Variants in POMT2 observed in about 807,000 individuals in gnomAD.
POMT2 encodes the protein protein O-mannosyltransferase 2, also known as protein O-mannosyl-transferase 2.
A neutral mutation model predicts 100.0 loss-of-function variants in POMT2; 75 were observed. The observed-to-expected ratio is 0.75, with a 90% confidence interval of 0.62 to 0.91. The LOEUF is 0.91. POMT2 is among the 40% of genes least tolerant of loss of function. The pLI is 0.00. For synonymous variants in POMT2, 378 were observed against 374.1 expected, an observed-to-expected ratio of 1.01 and a Z score of -0.12; for missense variants, 940 against 955.1, an observed-to-expected ratio of 0.98 and a Z score of 0.21.
chr14:77,300,842 T>G, intron 6 of POMT2: 1 of 476,044 alleles, frequency 2.1e-6, no homozygotes, highest in Non-Finnish European at 3.7e-6. Context: ...AAGACAGACA[T>G]TATAAAACAA....
intron 2 of POMT2, among the ~76,000 whole-genome samples, chr14:77,311,145 A>T (rs2139516055): frequency 6.6e-6 from 1 of 152,340 alleles, no homozygotes; most frequent in African/African-American, 2.4e-5. Flanking sequence ...AAAACAAACA[A>T]ACAAAAAAAG....
intron 16 of POMT2, 98 bp downstream of exon 16, chr14:77,280,294 G>A (rs368917551): frequency 5.8e-5 from 91 of 1,581,146 alleles, no homozygotes; most frequent in Middle Eastern, 2.0e-4. Context: ...GAGGCCCCTC[G>A]CCCTGCCGCC....
chr14:77,310,254 A>G (rs1891390980), intron 2 of POMT2, among the ~76,000 whole-genome samples: 1 of 152,208 alleles, frequency 6.6e-6, no homozygotes, highest in South Asian at 2.1e-4. Context: ...TTAAGAGAGA[A>G]GGCTCTATGC....
intron 2 of POMT2, among the ~76,000 whole-genome samples, chr14:77,308,340 T>C (rs1434356881): frequency 6.7e-6 from 1 of 148,802 alleles, no homozygotes; most frequent in African/African-American, 2.5e-5. Context: ...TACTCTCCAA[T>C]TGACAAAGTT....
intron 10 of POMT2, among the ~76,000 whole-genome samples, chr14:77,289,188 C>T (rs1318575150): frequency 2.0e-5 from 3 of 151,808 alleles, no homozygotes; most frequent in Non-Finnish European, 2.9e-5. Flanking sequence ...GCCAGGAATT[C>T]GAGACAAGCC....
At chr14:77,294,627 T>C (rs1245696601) in intron 9 of POMT2, among the ~76,000 whole-genome samples, 1 of 152,240 alleles carries the variant, frequency 6.6e-6, no homozygotes, top group Non-Finnish European at 1.5e-5. Flanking sequence ...AAAACCATTT[T>C]TAAAATGGGA....
intron 6 of POMT2, 128 bp from the exon 7 acceptor site, chr14:77,299,689 G>T: frequency 1.4e-6 from 1 of 717,776 alleles, no homozygotes; most frequent in Non-Finnish European, 2.5e-6. Flanking sequence ...AGAGGAGAGA[G>T]AAGAATATGT....
chr14:77,318,860 C>A (rs1247045878), intron 1 of POMT2, among the ~76,000 whole-genome samples: 1 of 151,866 alleles, frequency 6.6e-6, no homozygotes, highest in African/African-American at 2.4e-5. Context: ...CTCAGCCTCC[C>A]GAGTAGCTGG....
At position 77,304,699 on chromosome 14, in the gene POMT2, G is replaced by A; in HGVS notation, c.540C>T (p.Leu180=). 3.8e-6 allele frequency: 6 copies of A among 1,586,462 alleles called. No individual in the cohort carries two copies. The highest frequency in any genetic ancestry group is 5.1e-6 in the Non-Finnish European group (6 of 1,167,364). The stretch of plus-strand genomic sequence containing the variant: ...ATGGCTAAGACAACTTACCAAAGGT[G>A]AGGAGGGCAGCTGTGAGCAGTGCTG... ...LSAALLTAAL[L]TFDTGCLTLS... is the part of the protein sequence containing the mutation. Residue 180 remains leucine (L), a synonymous_variant, in exon 4 of 21, where the codon CTC becomes CTT. Coordinates refer to ENST00000261534, the MANE Select transcript of POMT2 (RefSeq NM_013382.7).
Position 77,306,365 on chromosome 14 carries a change from T to A in POMT2, c.410A>T (p.Glu137Val). Residue 137 changes from glutamate to valine, a missense_variant, in exon 3 of 21, where the codon GAG (glutamate) becomes GTG (valine). By Grantham distance (121) the Glu-to-Val change is moderately radical. Transcript: ENST00000261534. ...FLFQKPGDKY[E>V]HHSYMGMRGF... The stretch of plus-strand genomic sequence containing the variant: ...TCTCATTCCCATGTAGCTGTGATGC[T>A]CATATTTATCCCCAGGCTTCTGGAA... The A allele has an allele frequency of 6.2e-7, 1 of 1,613,130 alleles. No individual in the cohort carries two copies. Among genetic ancestry groups the A allele is most frequent in the South Asian group, 1.1e-5 (1 of 91,068 alleles).
intron 6 of POMT2, 153 bp downstream of exon 6, chr14:77,300,937 C>T (rs1362842471): frequency 2.1e-6 from 3 of 1,419,928 alleles, no homozygotes; most frequent in African/African-American, 2.8e-5. Context: ...TCCCTGATGT[C>T]CTGCTGTCTG....
At chr14:77,295,806 T>A (rs1324771382) in intron 9 of POMT2, among the ~76,000 whole-genome samples, 1 of 152,014 alleles carries the variant, frequency 6.6e-6, no homozygotes, top group Non-Finnish European at 1.5e-5. Context: ...GGCACCGTGC[T>A]AGGCAATTGA....
intron 1 of POMT2, among the ~76,000 whole-genome samples, chr14:77,315,193 G>A (rs1373081594): frequency 1.3e-5 from 2 of 152,182 alleles, no homozygotes; most frequent in Non-Finnish European, 2.9e-5. Context: ...AGACACTCAG[G>A]ACTGCAGGGA....
In POMT2 at chr14:77,288,786, TCTCCATGTCTTACAAA is replaced by T. The variant is rs775710735; in HGVS notation, c.1213_1228del (p.Phe405ThrfsTer5). 1 of 1,613,864 alleles carries T rather than the reference TCTCCATGTCTTACAAA, an allele frequency of 6.2e-7. No homozygotes were observed. Among genetic ancestry groups the T allele is most frequent in the Non-Finnish European group, 8.5e-7 (1 of 1,179,920 alleles). On this transcript the variant is annotated frameshift_variant, in exon 11 of 21. Coordinates refer to ENST00000261534, the MANE Select transcript of POMT2 (RefSeq NM_013382.7). LOFTEE classifies it high-confidence loss of function. ...CTCTTTGTGTTCTAGTCGAATAATG[TCTCCATGTCTTACAAA>T]CTCCACTGGGAAGGAAGGGTCTAGG...
Position 77,277,398 on chromosome 14 carries a change from C to T in POMT2, c.2231G>A (p.Trp744Ter), listed in dbSNP as rs1566641697. ...GCCTCAAAAGTCCCATGAGTCCAGCCACCTTAGTCCTGCCATTGGACTTTG... is the reference window on the plus strand; with the variant it reads ...GCCTCAAAAGTCCCATGAGTCCAGCTACCTTAGTCCTGCCATTGGACTTTG... Reference protein sequence around the residue: ...DPQSPMAGLRWLDSWDF With the variant: ...DPQSPMAGLR Residue 744 changes from tryptophan (W) to a stop codon, truncating the protein, a stop_gained, in exon 21 of 21, where the codon TGG becomes TAG. Coordinates refer to ENST00000261534, the MANE Select transcript of POMT2 (RefSeq NM_013382.7). LOFTEE classifies it high-confidence loss of function. The T allele has an allele frequency of 6.2e-7, 1 of 1,613,700 alleles. No homozygotes were observed. Among genetic ancestry groups the T allele is most frequent in the Non-Finnish European group, 8.5e-7 (1 of 1,179,576 alleles).
chr14:77,286,715 T>C (rs748551036), intron 12 of POMT2, 29 bp downstream of exon 12: 4 of 1,614,016 alleles, frequency 2.5e-6, no homozygotes, highest in Non-Finnish European at 2.5e-6. Flanking sequence ...AACTTTTACG[T>C]CCTACTCACA....
intron 1 of POMT2, 62 bp from the exon 2 acceptor site, chr14:77,312,095 T>C: frequency 1.3e-6 from 2 of 1,585,904 alleles, no homozygotes; most frequent in South Asian, 1.1e-5. Flanking sequence ...CAAATGGCCT[T>C]CATAAAGCAT....
In POMT2 at chr14:77,281,124, AAATAAATAAATAAATAAT is replaced by A. The variant is rs869144654; in HGVS notation, c.1654-679_1654-662del. 3.4e-3 allele frequency among the ~76,000 whole-genome samples: 510 copies of A among 148,500 alleles called. 1 individual carries two copies. The highest frequency in any genetic ancestry group is 4.8e-3 in the Non-Finnish European group (320 of 66,562). ...TAAATAAATAAATAAATAAATAAATAAATAAATAAATAAATAATAAGGCTTACTTATTTGTTCCCTTCA... is the reference window on the plus strand; with the variant it reads ...TAAATAAATAAATAAATAAATAAATAAAGGCTTACTTATTTGTTCCCTTCA... On this transcript the variant is annotated intron_variant, in intron 15 of 20. Coordinates refer to ENST00000261534, the MANE Select transcript of POMT2 (RefSeq NM_013382.7).
intron 1 of POMT2, among the ~76,000 whole-genome samples, chr14:77,317,474 A>T (rs1891675557): frequency 6.6e-6 from 1 of 152,242 alleles, no homozygotes; most frequent in African/African-American, 2.4e-5. Context: ...GTCAACAGTC[A>T]ATAGCCAAGG....
Sources: allele counts gnomAD v4.1 joint callset (sites outside exome capture counted in the v4.1 genomes callset), GRCh38; gene constraint gnomAD v4.1.1; transcripts MANE v1.5; gene names NCBI Gene and HGNC (gene_info 2026-07-23, HGNC 2026-07-21).